Variants in PXDN observed in about 807,000 individuals in gnomAD.
PXDN encodes the protein peroxidasin homolog.
A neutral mutation model predicts 140.3 loss-of-function variants in PXDN; 77 were observed. That is an observed-to-expected ratio of 0.55 (90% CI 0.46 to 0.66). The LOEUF is 0.66. PXDN is among the 30% of genes least tolerant of loss of function. The pLI, the probability that PXDN is intolerant of heterozygous loss-of-function variation, is 0.00. For synonymous variants in PXDN, 911 were observed against 857.4 expected (o/e 1.06, Z -1.09); for missense variants, 1,838 against 2,039.5 (o/e 0.90, Z 1.90).
In PXDN at chr2:1,744,457, G is replaced by C; in HGVS notation, c.-2C>G. 6.9e-7 allele frequency: 1 copy of C among 1,459,412 alleles called. No individual in the cohort carries two copies. Among genetic ancestry groups the C allele is most frequent in the South Asian group, 1.3e-5 (1 of 74,954 alleles). 90.4% of individuals were successfully genotyped at this position (1,459,412 alleles called of 1,614,324 possible). A position where few individuals can be genotyped will look rare whatever the true frequency, so the allele number is the denominator to read the frequency against. The stretch of plus-strand genomic sequence containing the variant: ...GGGGCCCCTGGAGCGCTTGGCCATG[G>C]CCGACGGCGCGGACGGACGCTCGGA... On this transcript the variant is annotated 5_prime_UTR_variant, in exon 1 of 23. Coordinates refer to ENST00000252804, the MANE Select transcript of PXDN (RefSeq NM_012293.3).
intron 14 of PXDN, among the ~76,000 whole-genome samples, chr2:1,658,240 T>G (rs938721152): frequency 2.0e-5 from 3 of 150,320 alleles, no homozygotes; most frequent in African/African-American, 7.6e-5. Context: ...TTCACGCTGT[T>G]GTCTTCAAAT....
intron 8 of PXDN, among the ~76,000 whole-genome samples, chr2:1,675,522 CTG>C (rs1255286374): frequency 6.6e-6 from 1 of 152,198 alleles, no homozygotes; most frequent in Non-Finnish European, 1.5e-5. Flanking sequence ...AAGAGAGTGA[CTG>C]CACCTTACAG....
intron 1 of PXDN, 73 bp downstream of exon 1, chr2:1,744,183 C>T: frequency 3.7e-6 from 5 of 1,346,366 alleles, no homozygotes; most frequent in South Asian, 1.7e-5. Flanking sequence ...CCCCCACCTC[C>T]GATCACCCCT....
chr2:1,643,363 C>T lies in PXDN; in HGVS notation c.3952+5G>A, dbSNP rs755076192. The T allele has an allele frequency of 6.8e-6, 11 of 1,611,924 alleles. No homozygotes were observed. Among genetic ancestry groups the T allele is most frequent in the East Asian group, 4.5e-5 (2 of 44,832 alleles). On this transcript the variant is annotated splice_donor_5th_base_variant and intron_variant, in intron 19 of 22. Transcript: ENST00000252804. ...AGGAACAGACATGGTGCCCCTGGCA[C>T]GCACCTTCACAGCAGTCCTGCCACA...
chr2:1,646,363 T>C (rs1437150631), intron 17 of PXDN, among the ~76,000 whole-genome samples: 2 of 152,188 alleles, frequency 1.3e-5, no homozygotes, highest in East Asian at 1.9e-4. Flanking sequence ...TGAAATAAGT[T>C]TGGCAAAAGA....
intron 1 of PXDN, among the ~76,000 whole-genome samples, chr2:1,703,251 AACTCCAGGTGAAGGTAGG>A (rs1684488029): frequency 3.3e-4 from 3 of 9,150 alleles, no homozygotes; most frequent in Admixed American, 1.1e-3. Flanking sequence ...AAGGGGGGGC[AACTCCAGGTGAAGGTAGG>A]GGGCAACTCC....
At chr2:1,669,198 G>A (rs35766209) in intron 9 of PXDN, among the ~76,000 whole-genome samples, 32,065 of 152,062 alleles carry the variant, frequency 0.21, 4,187 homozygotes, top group South Asian at 0.3. Flanking sequence ...ACTAACACAG[G>A]GACAGAAAAC....
intron 8 of PXDN, among the ~76,000 whole-genome samples, chr2:1,674,539 C>T (rs764554609): frequency 3.9e-5 from 6 of 152,194 alleles, no homozygotes; most frequent in Non-Finnish European, 7.3e-5. Context: ...GGCCATGCTG[C>T]ATCACACACA....
intron 1 of PXDN, among the ~76,000 whole-genome samples, chr2:1,742,829 C>G (rs1685577870): frequency 6.6e-6 from 1 of 152,232 alleles, no homozygotes; most frequent in Non-Finnish European, 1.5e-5. Flanking sequence ...CGCCCCGCCC[C>G]AGGGCCTCCA....
Position 1,680,927 on chromosome 2 carries a change from T to C in PXDN, c.561-565A>G, listed in dbSNP as rs539972232. Among the ~76,000 whole-genome samples, 3 of 152,298 alleles carry C rather than the reference T, an allele frequency of 2.0e-5. No homozygotes were observed. The South Asian group carries it at 6.2e-4, about 32-fold the overall frequency. On this transcript the variant is annotated intron_variant, in intron 6 of 22. Transcript: ENST00000252804. ...GGTCCAAGCTGACCTGGAAAGTTTC[T>C]AGTGAGTGGCACATCCTGTCCCAAC...
chr2:1,677,309 C>G (rs551123442), intron 7 of PXDN, among the ~76,000 whole-genome samples: 1 of 152,314 alleles, frequency 6.6e-6, no homozygotes, highest in East Asian at 1.9e-4. Context: ...CAGACAGCCC[C>G]AAATGACAGC....
Position 1,687,354 on chromosome 2 carries a change from C to T in PXDN, c.416+278G>A, listed in dbSNP as rs556431572. ...CAGGGATTCCATCGATATTACTGTC[C>T]TTGGTGTCAGGAAAGCATGGCCCAG... On this transcript the variant is annotated intron_variant, in intron 4 of 22. Transcript: ENST00000252804. This position sits in a 1 kb window ranked among gnomAD's most constrained non-coding sequence, Gnocchi z 4.0. Among the ~76,000 whole-genome samples the T allele has an allele frequency of 1.3e-5, 2 of 152,164 alleles. No homozygotes were observed. Among genetic ancestry groups the T allele is most frequent in the East Asian group, 3.9e-4 (2 of 5,154 alleles).
intron 1 of PXDN, among the ~76,000 whole-genome samples, chr2:1,710,171 C>G (rs1376493021): frequency 1.3e-5 from 2 of 152,180 alleles, no homozygotes; most frequent in Admixed American, 1.3e-4. Context: ...ACTTATGAAA[C>G]AGGTTCCTAG....
rs980116959 is a variant in PXDN at position 1,740,291 on chromosome 2, G to A, written c.200+3965C>T. ...AACACCCTGTGACCTCTATCTGCGT[G>A]TGAGGAGGAGAGGTCCTCTCCGAAA... On this transcript the variant is annotated intron_variant, in intron 1 of 22. Coordinates refer to ENST00000252804, the MANE Select transcript of PXDN (RefSeq NM_012293.3). Among the ~76,000 whole-genome samples, 5 of 152,206 alleles carry A rather than the reference G, an allele frequency of 3.3e-5. No individual in the cohort carries two copies. In the East Asian group the frequency reaches 7.7e-4, roughly 24 times the overall value.
intron 1 of PXDN, among the ~76,000 whole-genome samples, chr2:1,741,535 GC>G (rs1685545582): frequency 6.6e-6 from 1 of 152,050 alleles, no homozygotes; most frequent in African/African-American, 2.4e-5. Context: ...GTTTTCCAAA[GC>G]CCCCAAGCCA....
intron 1 of PXDN, among the ~76,000 whole-genome samples, chr2:1,706,690 C>T (rs561144481): frequency 1.2e-5 from 1 of 86,110 alleles, no homozygotes; most frequent in Non-Finnish European, 2.2e-5. Context: ...GCCTGCCCCA[C>T]TAATAATACA....
intron 1 of PXDN, among the ~76,000 whole-genome samples, chr2:1,711,646 C>A (rs1003951591): frequency 1.7e-5 from 2 of 114,538 alleles, no homozygotes; most frequent in African/African-American, 7.6e-5. Flanking sequence ...CACCAGCACC[C>A]ACTCCACCAG....
In PXDN at chr2:1,683,715, G is replaced by A. The variant is rs763891866; in HGVS notation, c.501C>T (p.Asn167=). ...CTGGAACTAAATGTGTAATCCGGTT[G>A]TTATGCAAAAATCTGTTGAAAGAGA... The part of the protein sequence containing the change: ...LPKLERLFLH[N]NRITHLVPGT... Residue 167 remains asparagine (N), a synonymous_variant, in exon 6 of 23, where the codon AAC becomes AAT. Coordinates refer to ENST00000252804, the MANE Select transcript of PXDN (RefSeq NM_012293.3). 2 of 1,603,110 alleles carry A rather than the reference G, an allele frequency of 1.2e-6. No individual in the cohort carries two copies. The highest frequency in any genetic ancestry group is 1.7e-6 in the Non-Finnish European group (2 of 1,176,220).
chr2:1,712,364 T>C (rs535564808), intron 1 of PXDN, among the ~76,000 whole-genome samples: 1 of 152,364 alleles, frequency 6.6e-6, no homozygotes, highest in African/African-American at 2.4e-5. Flanking sequence ...CACTTTTTTG[T>C]AATGCATCAT....
Sources: gnomAD v4.1 joint callset for allele counts (sites outside exome capture counted in the v4.1 genomes callset) on GRCh38, gnomAD v4.1.1 for gene constraint, Gnocchi (gnomAD v3.1) non-coding constraint, MANE v1.5 for transcripts, NCBI Gene and HGNC (gene_info 2026-07-23, HGNC 2026-07-21) for gene names.